The following NYAP1 variants were observed in gnomAD, a reference collection of about 807,000 sequenced individuals.
The protein encoded by NYAP1 is neuronal tyrosine phosphorylated phosphoinositide-3-kinase adaptor 1.
In NYAP1, 20 loss-of-function variants were observed where a neutral mutation model predicts 58.6. The ratio of observed to expected loss-of-function variants is 0.34; its 90% CI spans 0.24 to 0.50. NYAP1 has a LOEUF of 0.50. Ranked by LOEUF, NYAP1 falls within the 20% of genes least tolerant of loss-of-function variation. The pLI, the probability that NYAP1 is intolerant of heterozygous loss-of-function variation, is 0.98. For synonymous variants in NYAP1, 572 were observed against 523.1 expected (o/e 1.09, Z -1.27); for missense variants, 1,150 against 1,194.5 (o/e 0.96, Z 0.55).
Position 100,488,691 on chromosome 7 carries a change from C to T in NYAP1, c.970C>T (p.Pro324Ser), listed in dbSNP as rs1397644381. ...CACCAAGACCACTCCTTGTGAAATC[C>T]CCCCGCCCTTCCCCAACCTCCTTCA... ...TPTKTTPCEI[P>S]PPFPNLLQHR... The change falls in exon 4 of 7, where the codon CCC becomes TCC. Residue 324 changes from proline (P) to serine (S), a missense_variant. By Grantham distance (74) the Pro-to-Ser change is moderately conservative. Coordinates refer to ENST00000300179, the MANE Select transcript of NYAP1 (RefSeq NM_173564.4). This position sits in a 1 kb window ranked among gnomAD's most constrained non-coding sequence, Gnocchi z 5.9. The T allele has an allele frequency of 8.1e-6, 13 of 1,611,688 alleles. No homozygotes were observed. The highest frequency in any genetic ancestry group is 1.1e-5 in the Non-Finnish European group (13 of 1,179,370).
At position 100,491,064 on chromosome 7, in the gene NYAP1, C is replaced by T. The variant is rs1799790017; in HGVS notation, c.2237C>T (p.Pro746Leu). The change falls in exon 6 of 7, where the codon CCC (proline) becomes CTC (leucine). Residue 746 changes from proline to leucine, a missense_variant. Pro to Leu is a moderately conservative substitution (Grantham distance 98, BLOSUM62 -3). Transcript: ENST00000300179. ...CAGGTCGTGCTCCACACACCCCGGC[C>T]CTGCAGCCAGCCCAGGGATGCCCTG... ...VRQVVLHTPRPCSQPRDALSQ... is the reference protein window; with the variant it reads ...VRQVVLHTPRLCSQPRDALSQ... The T allele has an allele frequency of 6.4e-7, 1 of 1,559,244 alleles. No homozygotes were observed. The highest frequency in any genetic ancestry group is 1.4e-5 in the African/African-American group (1 of 73,532).
rs778501741 is a variant in NYAP1 at position 100,488,805 on chromosome 7, C to T, written c.1084C>T (p.His362Tyr). The T allele has an allele frequency of 2.5e-6, 4 of 1,578,684 alleles. No homozygotes were observed. In the East Asian group the frequency reaches 6.7e-5, roughly 27 times the overall value. ...GGTCTCAAGGCTACCTGTCCTCTGC[C>T]ACTCCAAGGAGCCAGCCGGCTCCAC... ...DGVSRLPVLC[H>Y]SKEPAGSTPA... Residue 362 changes from histidine to tyrosine, a missense_variant, in exon 4 of 7, where the codon CAC (histidine) becomes TAC (tyrosine). Coordinates refer to ENST00000300179, the MANE Select transcript of NYAP1 (RefSeq NM_173564.4). This position sits in a 1 kb window ranked among gnomAD's most constrained non-coding sequence, Gnocchi z 5.9.
In NYAP1 at chr7:100,486,976, G is replaced by A. The variant is rs760509943; in HGVS notation, c.224G>A (p.Arg75His). ...CAGGAGCACACCCCGCACCCCTGCCGCAGCGCCATGGCCCCACGCTCCCTC... is the reference window on the plus strand; with the variant it reads ...CAGGAGCACACCCCGCACCCCTGCCACAGCGCCATGGCCCCACGCTCCCTC... ...ASQEHTPHPC[R>H]SAMAPRSLSC... is the part of the protein sequence containing the mutation. Residue 75 changes from arginine to histidine, a missense_variant, in exon 3 of 7, where the codon CGC (arginine) becomes CAC (histidine). Coordinates refer to ENST00000300179, the MANE Select transcript of NYAP1 (RefSeq NM_173564.4). This position sits in a 1 kb window ranked among gnomAD's most constrained non-coding sequence, Gnocchi z 6.2. 2.3e-5 allele frequency: 37 copies of A among 1,607,234 alleles called. No homozygotes were observed. Among genetic ancestry groups the A allele is most frequent in the Non-Finnish European group, 3.1e-5 (36 of 1,177,584 alleles).
Position 100,490,904 on chromosome 7 carries a change from C to A in NYAP1, c.2159-82C>A. On this transcript the variant is annotated intron_variant, in intron 5 of 6. Coordinates refer to ENST00000300179, the MANE Select transcript of NYAP1 (RefSeq NM_173564.4). This position sits in a 1 kb window ranked among gnomAD's most constrained non-coding sequence, Gnocchi z 4.6. ...TCTGATGAGGCAGGGGCAGCCTGGACCATTCAAGGGCAGGGGACTGGGAAC... is the reference window on the plus strand; with the variant it reads ...TCTGATGAGGCAGGGGCAGCCTGGAACATTCAAGGGCAGGGGACTGGGAAC... The A allele has an allele frequency of 9.1e-7, 1 of 1,104,804 alleles. No homozygotes were observed. Among genetic ancestry groups the A allele is most frequent in the Non-Finnish European group, 1.3e-6 (1 of 769,270 alleles). 68.4% of individuals were successfully genotyped at this position (1,104,804 alleles called of 1,614,324 possible).
At position 100,487,165 on chromosome 7, in the gene NYAP1, C is replaced by T. The variant is rs762757181; in HGVS notation, c.413C>T (p.Pro138Leu). 1.1e-5 allele frequency: 16 copies of T among 1,490,428 alleles called. No homozygotes were observed. Among genetic ancestry groups the T allele is most frequent in the African/African-American group, 7.3e-5 (5 of 68,964 alleles). 92.3% of individuals were successfully genotyped at this position (1,490,428 alleles called of 1,614,324 possible). Residue 138 changes from proline (P) to leucine (L), a missense_variant, in exon 3 of 7, where the codon CCC (proline) becomes CTC (leucine). Transcript: ENST00000300179. The surrounding 1 kb of genome is among the most constrained non-coding windows in gnomAD (Gnocchi z 4.1). ...GGGCCTGGGTCTGGGGCAGAGACGC[C>T]CCCCAGCAAGAAAGCAGGTGAGATA... Reference protein sequence around the residue: ...MVGPGSGAETPPSKKAGSQKP... With the variant: ...MVGPGSGAETLPSKKAGSQKP...
chr7:100,492,238 CA>C lies in NYAP1; in HGVS notation c.2268+1156del, dbSNP rs780264131. Among the ~76,000 whole-genome samples, 1,058 of 115,500 alleles carry C rather than the reference CA, an allele frequency of 9.2e-3. 10 individuals are homozygous for C. The highest frequency in any genetic ancestry group is 0.026 in the African/African-American group (820 of 31,066). 75.8% of individuals were successfully genotyped at this position (115,500 alleles called of 152,430 possible). On this transcript the variant is annotated intron_variant, in intron 6 of 6. Coordinates refer to ENST00000300179, the MANE Select transcript of NYAP1 (RefSeq NM_173564.4). ...TGGGCGACAGAGTTAGACTCTGTCT[CA>C]AAAAAAAAAAAAGGGGCCAGGCAGA... is the stretch of plus-strand genomic sequence containing the variant.
rs974922982 is a variant in NYAP1, at chr7:100,487,481, C to T, written c.430+299C>T. Among the ~76,000 whole-genome samples, 3 of 150,636 alleles carry T rather than the reference C, an allele frequency of 2.0e-5. No individual in the cohort carries two copies. Among genetic ancestry groups the T allele is most frequent in the East Asian group, 1.9e-4 (1 of 5,136 alleles). ...AGACTGAGGGCTGTGGGACAAGCCC[C>T]GTGGCTCACGCCCGTAATCTCAGCA... On this transcript the variant is annotated intron_variant, in intron 3 of 6. Coordinates refer to ENST00000300179, the MANE Select transcript of NYAP1 (RefSeq NM_173564.4). The surrounding 1 kb of genome is among the most constrained non-coding windows in gnomAD (Gnocchi z 4.1).
chr7:100,488,345 G>T lies in NYAP1; in HGVS notation c.624G>T (p.Val208=), dbSNP rs1385919361. 1 of 1,605,986 alleles carries T rather than the reference G, an allele frequency of 6.2e-7. No homozygotes were observed. Among genetic ancestry groups the T allele is most frequent in the Non-Finnish European group, 8.5e-7 (1 of 1,177,370 alleles). ...CCCGAGTAGCTGGGGACCCTGATGT[G>T]GGTGCCCAGGAAGAGCCTGTGTACA... is the stretch of plus-strand genomic sequence containing the variant. ...RGSRVAGDPD[V]GAQEEPVYIE... is the part of the protein sequence containing the mutation. The change falls in exon 4 of 7, where the codon GTG becomes GTT. Residue 208 remains valine (V), a synonymous_variant. Transcript: ENST00000300179. This position sits in a 1 kb window ranked among gnomAD's most constrained non-coding sequence, Gnocchi z 5.9.
rs756312744 is a variant in NYAP1 at position 100,489,252 on chromosome 7, A to G, written c.1531A>G (p.Thr511Ala). 1.2e-6 allele frequency: 2 copies of G among 1,603,402 alleles called. No homozygotes were observed. Among genetic ancestry groups the G allele is most frequent in the South Asian group, 2.2e-5 (2 of 89,748 alleles). The change falls in exon 4 of 7, where the codon ACC becomes GCC. Residue 511 changes from threonine (T) to alanine (A), a missense_variant. By Grantham distance (58) the Thr-to-Ala change is moderately conservative. Coordinates refer to ENST00000300179, the MANE Select transcript of NYAP1 (RefSeq NM_173564.4). ...CTCAAGGCCCCCTGTGCCAGGGAAG[A>G]CCAGCCCCCACGGTGGGGCCATGGG... ...TSSRPPVPGK[T>A]SPHGGAMGAA...
At chr7:100,493,526 G>C (rs1799824818) in intron 6 of NYAP1, 120 bp from the exon 7 acceptor site, 6 of 918,724 alleles carry the variant, frequency 6.5e-6, no homozygotes, top group Non-Finnish European at 9.5e-6. Flanking sequence ...AGGCCGTTGG[G>C]GGGCAAGCAA....
At position 100,489,042 on chromosome 7, in the gene NYAP1, GC is replaced by G. The variant is rs781266181; in HGVS notation, c.1328del (p.Pro443LeufsTer27). On this transcript the variant is annotated frameshift_variant, in exon 4 of 7. Transcript: ENST00000300179. LOFTEE classifies it high-confidence loss of function. ...ICPKAAGAPA[A>X]PPAPAALLPG... is the part of the protein sequence containing the mutation. Reference sequence around the variant, plus strand: ...CCCTAAGGCGGCGGGGGCGCCGGCAGCCCCCCCTGCCCCGGCCGCCTTGCTC... The same window carrying G: ...CCCTAAGGCGGCGGGGGCGCCGGCAGCCCCCCTGCCCCGGCCGCCTTGCTC... 24 of 1,540,352 alleles carry G rather than the reference GC, an allele frequency of 1.6e-5. No individual in the cohort carries two copies. The highest frequency in any genetic ancestry group is 3.5e-5 in the South Asian group (3 of 84,610).
chr7:100,492,546 A>G (rs1799810045), intron 6 of NYAP1, among the ~76,000 whole-genome samples: 2 of 152,200 alleles, frequency 1.3e-5, no homozygotes, highest in African/African-American at 4.8e-5. Context: ...GCAATGAACT[A>G]CGATCCCACC....
rs1258785710 is a variant in NYAP1 at position 100,485,505 on chromosome 7, C to T, written c.68+126C>T. On this transcript the variant is annotated intron_variant, in intron 2 of 6. Coordinates refer to ENST00000300179, the MANE Select transcript of NYAP1 (RefSeq NM_173564.4). This position sits in a 1 kb window ranked among gnomAD's most constrained non-coding sequence, Gnocchi z 5.7. The stretch of plus-strand genomic sequence containing the variant: ...GAGCTCTCTGATCTCAGAGTCAGTA[C>T]GGAATGGCCAGGATTGCACACACTG... 1.9e-5 allele frequency: 14 copies of T among 727,436 alleles called. No individual in the cohort carries two copies. The highest frequency in any genetic ancestry group is 3.4e-5 in the South Asian group (2 of 58,638). The allele number at this position is 727,436 out of a possible 1,614,324, so 45.1% of individuals were successfully genotyped here.
chr7:100,487,240 AC>A lies in NYAP1; in HGVS notation c.430+59del. 6.9e-7 allele frequency: 1 copy of A among 1,442,074 alleles called. No homozygotes were observed. Among genetic ancestry groups the A allele is most frequent in the South Asian group, 1.6e-5 (1 of 63,488 alleles). 89.3% of individuals were successfully genotyped at this position (1,442,074 alleles called of 1,614,324 possible). A position where few individuals can be genotyped will look rare whatever the true frequency, so the allele number is the denominator to read the frequency against. ...GCTGGGAGCTGGGAGGATCTATTCC[AC>A]GCCCGGGGAGGCTTGCCGGGAGGGT... On this transcript the variant is annotated intron_variant, in intron 3 of 6. Transcript: ENST00000300179. The surrounding 1 kb of genome is among the most constrained non-coding windows in gnomAD (Gnocchi z 4.1).
In NYAP1 at chr7:100,488,588, A is replaced by G; in HGVS notation, c.867A>G (p.Pro289=). The change falls in exon 4 of 7, where the codon CCA becomes CCG. Residue 289 remains proline, a synonymous_variant. Transcript: ENST00000300179. This position sits in a 1 kb window ranked among gnomAD's most constrained non-coding sequence, Gnocchi z 5.9. ...CACCATTGACGGCAACATCCCCGCC[A>G]CAACAGCCTCACGCCCTTCCGCCCC... ...GPPPLTATSP[P]QQPHALPPHA... 1.2e-6 allele frequency: 2 copies of G among 1,611,132 alleles called. No homozygotes were observed. Among genetic ancestry groups the G allele is most frequent in the Non-Finnish European group, 1.7e-6 (2 of 1,179,234 alleles).
In NYAP1 at chr7:100,490,706, TC is replaced by T; in HGVS notation, c.2139del (p.Ala714ProfsTer41). 6.6e-7 allele frequency: 1 copy of T among 1,520,384 alleles called. No individual in the cohort carries two copies. The highest frequency in any genetic ancestry group is 8.8e-7 in the Non-Finnish European group (1 of 1,130,476). The allele number at this position is 1,520,384 out of a possible 1,614,324, so 94.2% of individuals were successfully genotyped here. Reference sequence around the variant, plus strand: ...GCGCTGCCCATTCCCTGCCAGACCTTCCCCGCCTGCCACCGCAATGGAGGTG... The same window carrying T: ...GCGCTGCCCATTCCCTGCCAGACCTTCCCGCCTGCCACCGCAATGGAGGTG... ...RTALPIPCQT[F>X]PACHRNGDFT... On this transcript the variant is annotated frameshift_variant, in exon 5 of 7. Coordinates refer to ENST00000300179, the MANE Select transcript of NYAP1 (RefSeq NM_173564.4). LOFTEE classifies it high-confidence loss of function. This position sits in a 1 kb window ranked among gnomAD's most constrained non-coding sequence, Gnocchi z 4.6.
rs1034871485 is a variant in NYAP1, at chr7:100,485,529, T to A, written c.68+150T>A. The A allele has an allele frequency of 7.9e-6, 5 of 633,638 alleles. No homozygotes were observed. Among genetic ancestry groups the A allele is most frequent in the African/African-American group, 7.4e-5 (4 of 53,960 alleles). The allele number at this position is 633,638 out of a possible 1,614,324, so 39.3% of individuals were successfully genotyped here. A position where few individuals can be genotyped will look rare whatever the true frequency, so the allele number is the denominator to read the frequency against. Reference sequence around the variant, plus strand: ...ACGGAATGGCCAGGATTGCACACACTGTCCTGGCCCAACTCCTGCTCTCCT... The same window carrying A: ...ACGGAATGGCCAGGATTGCACACACAGTCCTGGCCCAACTCCTGCTCTCCT... On this transcript the variant is annotated intron_variant, in intron 2 of 6. Coordinates refer to ENST00000300179, the MANE Select transcript of NYAP1 (RefSeq NM_173564.4). The surrounding 1 kb of genome is among the most constrained non-coding windows in gnomAD (Gnocchi z 5.7).
rs1202724995 is a variant in NYAP1, at chr7:100,486,941, G to A, written c.189G>A (p.Met63Ile). Residue 63 changes from methionine to isoleucine, a missense_variant, in exon 3 of 7, where the codon ATG (methionine) becomes ATA (isoleucine). Physicochemically the swap from Met to Ile is conservative, Grantham distance 10. Coordinates refer to ENST00000300179, the MANE Select transcript of NYAP1 (RefSeq NM_173564.4). The surrounding 1 kb of genome is among the most constrained non-coding windows in gnomAD (Gnocchi z 6.2). Reference protein sequence around the residue: ...RRSLRMGFMTMPASQEHTPHP... With the variant: ...RRSLRMGFMTIPASQEHTPHP... ...CCCTCAGGATGGGTTTCATGACGAT[G>A]CCCGCCTCCCAGGAGCACACCCCGC... The A allele has an allele frequency of 1.9e-6, 3 of 1,603,482 alleles. No homozygotes were observed. Among genetic ancestry groups the A allele is most frequent in the African/African-American group, 1.3e-5 (1 of 74,722 alleles).
In NYAP1 at chr7:100,488,699, C is replaced by A; in HGVS notation, c.978C>A (p.Pro326=). The A allele has an allele frequency of 6.2e-7, 1 of 1,611,806 alleles. No homozygotes were observed. Among genetic ancestry groups the A allele is most frequent in the Non-Finnish European group, 8.5e-7 (1 of 1,179,364 alleles). ...TKTTPCEIPP[P]FPNLLQHRPP... is the part of the protein sequence containing the mutation. The stretch of plus-strand genomic sequence containing the variant: ...CCACTCCTTGTGAAATCCCCCCGCC[C>A]TTCCCCAACCTCCTTCAGCACCGGC... Residue 326 remains proline (P), a synonymous_variant, in exon 4 of 7, where the codon CCC becomes CCA. Transcript: ENST00000300179. The surrounding 1 kb of genome is among the most constrained non-coding windows in gnomAD (Gnocchi z 5.9).
Sources: allele counts gnomAD v4.1 joint callset (sites outside exome capture counted in the v4.1 genomes callset), GRCh38; gene constraint gnomAD v4.1.1; non-coding constraint Gnocchi (gnomAD v3.1); transcripts MANE v1.5; gene names NCBI Gene and HGNC (gene_info 2026-07-23, HGNC 2026-07-21).